ANO3: variants seen among roughly 807,000 people sequenced by gnomAD.
The protein encoded by ANO3 is anoctamin 3, also known as anoctamin-3.
In ANO3, 99 loss-of-function variants were observed where a neutral mutation model predicts 144.8. That is an observed-to-expected ratio of 0.68 (90% confidence interval 0.58 to 0.81). The LOEUF (loss-of-function observed/expected upper bound fraction) is 0.81. ANO3 is among the 30% of genes least tolerant of loss of function. ANO3 has a pLI of 0.00. For missense variants in ANO3, 905 were observed against 1,202.2 expected (o/e 0.75, Z 3.66); for synonymous variants, 414 against 392.6 (o/e 1.05, Z -0.64).
chr11:26,464,714 G>T (rs769998594), intron 4 of ANO3, among the ~76,000 whole-genome samples: 2 of 151,610 alleles, frequency 1.3e-5, no homozygotes, highest in Non-Finnish European at 3.0e-5. Flanking sequence ...GACCACAATA[G>T]GTCAATCCAA....
intron 1 of ANO3, among the ~76,000 whole-genome samples, chr11:26,416,763 C>T (rs1857601024): frequency 6.6e-6 from 1 of 151,990 alleles, no homozygotes; most frequent in Non-Finnish European, 1.5e-5. Context: ...AAACTGAACT[C>T]TACTTAAGAT....
intron 1 of ANO3, among the ~76,000 whole-genome samples, chr11:26,275,428 T>G (rs1465054824): frequency 6.6e-6 from 1 of 152,172 alleles, no homozygotes; most frequent in East Asian, 1.9e-4. Flanking sequence ...TTTTATTCAC[T>G]TTCTGTTTGG....
At chr11:26,265,287 T>C (rs1328534033) in intron 1 of ANO3, among the ~76,000 whole-genome samples, 11 of 152,214 alleles carry the variant, frequency 7.2e-5, no homozygotes. Flanking sequence ...CAGCTGGATA[T>C]GTATCAGACC....
intron 1 of ANO3, among the ~76,000 whole-genome samples, chr11:26,321,225 T>C (rs1158696416): frequency 1.3e-5 from 2 of 152,092 alleles, no homozygotes; most frequent in African/African-American, 2.4e-5. Context: ...AAGGAAATCT[T>C]GAGTATTTTA....
chr11:26,275,632 G>C (rs922750858), intron 1 of ANO3, among the ~76,000 whole-genome samples: 1 of 152,110 alleles, frequency 6.6e-6, no homozygotes, highest in Non-Finnish European at 1.5e-5. Context: ...AAGTCATACT[G>C]TAGGTCAGAG....
intron 1 of ANO3, among the ~76,000 whole-genome samples, chr11:26,371,687 T>C (rs1829752951): frequency 6.6e-6 from 1 of 152,226 alleles, no homozygotes; most frequent in African/African-American, 2.4e-5. Context: ...GATGTGGATA[T>C]GAGCCATGGA....
intron 1 of ANO3, among the ~76,000 whole-genome samples, chr11:26,366,493 C>G (rs1856089381): frequency 6.6e-6 from 1 of 152,036 alleles, no homozygotes; most frequent in Non-Finnish European, 1.5e-5. Context: ...GGGTATATAC[C>G]TAGTAATGGG....
At chr11:26,577,327 G>A (rs1057032906) in intron 14 of ANO3, among the ~76,000 whole-genome samples, 1 of 152,102 alleles carries the variant, frequency 6.6e-6, no homozygotes, top group Non-Finnish European at 1.5e-5. Flanking sequence ...ACTTTGGGAG[G>A]CTGCGGTGGG....
intron 1 of ANO3, among the ~76,000 whole-genome samples, chr11:26,410,053 G>C (rs1369885142): frequency 6.6e-6 from 1 of 151,712 alleles, no homozygotes; most frequent in Non-Finnish European, 1.5e-5. Flanking sequence ...TAAAGAAAAT[G>C]CTGTTTACAT....
intron 1 of ANO3, among the ~76,000 whole-genome samples, chr11:26,346,830 T>C (rs1263675846): frequency 6.6e-6 from 1 of 152,226 alleles, no homozygotes; most frequent in African/African-American, 2.4e-5. Context: ...ATCATTTTTA[T>C]TGAAGAAATA....
chr11:26,553,255 A>T lies in ANO3; in HGVS notation c.1296A>T (p.Glu432Asp). 1 of 1,585,766 alleles carries T rather than the reference A, an allele frequency of 6.3e-7. No individual in the cohort carries two copies. The highest frequency in any genetic ancestry group is 1.1e-5 in the South Asian group (1 of 87,436). ...GTTTTTGTTTTTTCTCAAGCCAAGA[A>T]ATTTGTAAAGCCACTGAAGTCTTTA... is the stretch of plus-strand genomic sequence containing the variant. ...FTMNNSQVSQ[E>D]ICKATEVFMC... Residue 432 changes from glutamate to aspartate, a missense_variant, in exon 13 of 27, where the codon GAA (glutamate) becomes GAT (aspartate). Glu to Asp is a conservative substitution (Grantham distance 45). Transcript: ENST00000256737.
intron 1 of ANO3, among the ~76,000 whole-genome samples, chr11:26,213,496 A>G (rs34336267): frequency 0.3 from 45,981 of 152,096 alleles, 7,696 homozygotes; most frequent in Non-Finnish European, 0.37. Flanking sequence ...AGACAAACAG[A>G]GAGCCAAATC....
In ANO3 at chr11:26,643,261, T is replaced by G; in HGVS notation, c.2355T>G (p.Ile785Met). Reference sequence around the variant, plus strand: ...TTTTGGCTTTGTTAAACAATATCATTGAAATCAGGCTGGATGCATACAAAT... The same window carrying G: ...TTTTGGCTTTGTTAAACAATATCATGGAAATCAGGCTGGATGCATACAAAT... ...APLLALLNNI[I>M]EIRLDAYKFV... The change falls in exon 23 of 27, where the codon ATT becomes ATG. Residue 785 changes from isoleucine (I) to methionine (M), a missense_variant. Physicochemically the swap from Ile to Met is conservative, Grantham distance 10. This residue lies in a region of ANO3 where 597 missense variants were observed against 865.1 expected (regional missense o/e 0.69). Transcript: ENST00000256737. 1 of 1,614,184 alleles carries G rather than the reference T, an allele frequency of 6.2e-7. No individual in the cohort carries two copies. Among genetic ancestry groups the G allele is most frequent in the East Asian group, 2.2e-5 (1 of 44,872 alleles).
chr11:26,400,993 A>G (rs1054517000), intron 1 of ANO3, among the ~76,000 whole-genome samples: 4 of 151,994 alleles, frequency 2.6e-5, no homozygotes, highest in African/African-American at 9.7e-5. Context: ...TAAGCTTGCT[A>G]TTCTCTTTAG....
At chr11:26,460,461 A>AAGGAAGGAAGGG (rs1211776197) in intron 3 of ANO3, among the ~76,000 whole-genome samples, 2 of 149,468 alleles carry the variant, frequency 1.3e-5, no homozygotes, top group African/African-American at 2.5e-5. Flanking sequence ...GGAAAGAAGG[A>AAGGAAGGAAGGG]AGGAAGGAAG....
chr11:26,369,607 C>T (rs2133936378), intron 1 of ANO3, among the ~76,000 whole-genome samples: 1 of 152,166 alleles, frequency 6.6e-6, no homozygotes, highest in South Asian at 2.1e-4. Context: ...TGATACTTCT[C>T]CAGTTTAAGC....
At chr11:26,215,723 TC>T (rs1852023381) in intron 1 of ANO3, among the ~76,000 whole-genome samples, 1 of 151,954 alleles carries the variant, frequency 6.6e-6, no homozygotes, top group Non-Finnish European at 1.5e-5. Context: ...CTTTTAACTA[TC>T]ACTATTTCTA....
intron 1 of ANO3, among the ~76,000 whole-genome samples, chr11:26,232,624 A>G (rs1852425787): frequency 6.6e-6 from 1 of 152,152 alleles, no homozygotes; most frequent in Non-Finnish European, 1.5e-5. Context: ...CTTATACAAA[A>G]ATTAACTCAA....
chr11:26,453,057 C>G (rs767464632), intron 3 of ANO3, among the ~76,000 whole-genome samples: 2,147 of 151,674 alleles, frequency 0.014, 26 homozygotes, highest in Middle Eastern at 0.051. Context: ...CCAGGCCTGC[C>G]CTAAAAGAGC....
Sources: allele counts gnomAD v4.1 joint callset (sites outside exome capture counted in the v4.1 genomes callset), GRCh38; gene constraint gnomAD v4.1.1; regional missense constraint gnomAD v4.1.1; transcripts MANE v1.5; gene names NCBI Gene and HGNC (gene_info 2026-07-23, HGNC 2026-07-21).